PAX9: variants seen among roughly 807,000 people sequenced by gnomAD.
PAX9 encodes paired box protein Pax-9.
Under a neutral mutation model 29.1 loss-of-function variants are expected in PAX9, and 6 were observed. That is an observed-to-expected ratio of 0.21 (90% CI 0.11 to 0.41). The LOEUF (loss-of-function observed/expected upper bound fraction) is 0.41, where lower values mean the gene tolerates loss of function less well. Among genes scored for constraint, PAX9 ranks in the 10% least tolerant of loss-of-function variants. PAX9 has a pLI of 1.00. For missense variants in PAX9, 443 were observed against 479.1 expected (o/e 0.92, Z 0.70); for synonymous variants, 217 against 211.7 (o/e 1.03, Z -0.22).
rs897315835 is a variant in PAX9 at position 36,677,997 on chromosome 14, A to G, written c.*1545A>G. ...AATATAGGCTTAAAAATATGTTTTT[A>G]GGACATTGGTACAATTCAGCTGTTG... On this transcript the variant is annotated 3_prime_UTR_variant, in exon 4 of 4. Transcript: ENST00000361487. 6.5e-6 allele frequency: 1 copy of G among 153,528 alleles called. No individual in the cohort carries two copies. 9.5% of individuals were successfully genotyped at this position (153,528 alleles called of 1,614,324 possible).
rs367709886 is a variant in PAX9 at position 36,676,490 on chromosome 14, C to T, written c.*38C>T. ...TCTCCAGCAGCTTCACCCGGGTCTC[C>T]CTGTCTCAGCACCTCCTCCCCCAAT... is the stretch of plus-strand genomic sequence containing the variant. On this transcript the variant is annotated 3_prime_UTR_variant, in exon 4 of 4. Transcript: ENST00000361487. 41 of 1,605,098 alleles carry T rather than the reference C, an allele frequency of 2.6e-5. No homozygotes were observed. In the East Asian group the frequency reaches 3.1e-4, roughly 12 times the overall value.
rs201198716 is a variant in PAX9, at chr14:36,662,067, G to A, written c.-23G>A. On this transcript the variant is annotated 5_prime_UTR_variant, in exon 1 of 4. Coordinates refer to ENST00000361487, the MANE Select transcript of PAX9 (RefSeq NM_001372076.1). ...TGTCTGGGAGTGCGGAACTGGGGCC[G>A]GGTTGGTGTACTGCTCGGAGCAATG... is the stretch of plus-strand genomic sequence containing the variant. 6.4e-7 allele frequency: 1 copy of A among 1,561,914 alleles called. No individual in the cohort carries two copies.
At position 36,663,470 on chromosome 14, in the gene PAX9, C is replaced by T. The variant is rs1881368384; in HGVS notation, c.578C>T (p.Pro193Leu). Residue 193 changes from proline to leucine, a missense_variant, in exon 2 of 4, where the codon CCC becomes CTC. This residue lies in a region of PAX9 where 336 missense variants were observed against 317.2 expected (regional missense o/e 1.06). Coordinates refer to ENST00000361487, the MANE Select transcript of PAX9 (RefSeq NM_001372076.1). ...PGSVAMPRTW[P>L]SSHSVTDILG... ...TCGGTGGCCATGCCGCGCACCTGGCCCTCCTCGCACTCCGTCACCGACATC... is the reference window on the plus strand; with the variant it reads ...TCGGTGGCCATGCCGCGCACCTGGCTCTCCTCGCACTCCGTCACCGACATC... 7 of 1,613,006 alleles carry T rather than the reference C, an allele frequency of 4.3e-6. No homozygotes were observed. Among genetic ancestry groups the T allele is most frequent in the Non-Finnish European group, 5.9e-6 (7 of 1,179,868 alleles).
In PAX9 at chr14:36,678,994, A is replaced by AGAT. The variant is rs1196159294; in HGVS notation, c.*2544_*2546dup. The AGAT allele has an allele frequency of 1.0e-6, 1 of 965,182 alleles. No homozygotes were observed. The highest frequency in any genetic ancestry group is 4.9e-5 in the South Asian group (1 of 20,368). 59.8% of individuals were successfully genotyped at this position (965,182 alleles called of 1,614,324 possible). On this transcript the variant is annotated 3_prime_UTR_variant, in exon 4 of 4. Coordinates refer to ENST00000361487, the MANE Select transcript of PAX9 (RefSeq NM_001372076.1). ...TGTTGACATATTTCCTCTATCTCAT[A>AGAT]GATGGTAAAAGTGTTGCTTTTAAAC...
upstream of PAX9, among the ~76,000 whole-genome samples, chr14:36,659,600 G>T (rs931804173): frequency 6.6e-6 from 1 of 152,224 alleles, no homozygotes; most frequent in African/African-American, 2.4e-5. Flanking sequence ...GCATGAGTGG[G>T]GCCTGCGGGG....
chr14:36,663,583 G>C, intron 2 of PAX9, 60 bp downstream of exon 2: 1 of 1,601,462 alleles, frequency 6.2e-7, no homozygotes, highest in South Asian at 1.1e-5. Context: ...CTCTCGCGGA[G>C]GTCCCAGTAT....
intron 1 of PAX9, 189 bp from the exon 2 acceptor site, chr14:36,662,708 C>A: frequency 1.5e-6 from 1 of 666,436 alleles, no homozygotes; most frequent in African/African-American, 1.8e-5. Flanking sequence ...GGGAGGGGGT[C>A]CGATTGGACA....
chr14:36,664,568 G>GTTTTTT (rs34440866), intron 2 of PAX9, among the ~76,000 whole-genome samples: 3 of 141,990 alleles, frequency 2.1e-5, no homozygotes, highest in African/African-American at 7.8e-5. Flanking sequence ...CTTTTACTGA[G>GTTTTTT]TTTTTTTTTT....
chr14:36,675,508 C>T (rs943899812), intron 3 of PAX9, among the ~76,000 whole-genome samples: 34 of 152,294 alleles, frequency 2.2e-4, no homozygotes, highest in Non-Finnish European at 1.0e-4. Context: ...GTTTCAAAAC[C>T]AGGCATATGC....
Position 36,676,438 on chromosome 14 carries a change from G to A in PAX9, c.1012G>A (p.Ala338Thr). ...AAREGSHSVT[A>T]SAL ...CAGAGAAGGTAGTCATTCTGTCACG[G>A]CTTCCGCGCTCTGATGGGAAATTCC... Residue 338 changes from alanine (A) to threonine (T), a missense_variant, in exon 4 of 4, where the codon GCT becomes ACT. Around this residue, in one of 2 missense-constraint regions of PAX9, gnomAD observed 336 missense variants for 317.2 expected, o/e 1.06. Coordinates refer to ENST00000361487, the MANE Select transcript of PAX9 (RefSeq NM_001372076.1). The A allele has an allele frequency of 6.2e-7, 1 of 1,613,306 alleles. No individual in the cohort carries two copies.
Position 36,675,113 on chromosome 14 carries a change from T to A in PAX9, c.772-1085T>A, listed in dbSNP as rs370832304. 1.3e-3 allele frequency among the ~76,000 whole-genome samples: 195 copies of A among 152,312 alleles called. 2 individuals carry two copies. The highest frequency in any genetic ancestry group is 0.012 in the South Asian group (57 of 4,828). On this transcript the variant is annotated intron_variant, in intron 3 of 3. Coordinates refer to ENST00000361487, the MANE Select transcript of PAX9 (RefSeq NM_001372076.1). Reference sequence around the variant, plus strand: ...CAATTTTCCTCATAAAATTCTAGTATTTACATCGTATTTTCACTAGGAAAT... The same window carrying A: ...CAATTTTCCTCATAAAATTCTAGTAATTACATCGTATTTTCACTAGGAAAT...
At chr14:36,664,895 A>G (rs1177495340) in intron 2 of PAX9, among the ~76,000 whole-genome samples, 3 of 152,150 alleles carry the variant, frequency 2.0e-5, no homozygotes, top group Non-Finnish European at 4.4e-5. Flanking sequence ...ACTTGGAGCC[A>G]TAGTTGGAGA....
chr14:36,666,730 C>A (rs1418929212), intron 3 of PAX9, 129 bp downstream of exon 3: 4 of 1,226,484 alleles, frequency 3.3e-6, no homozygotes, highest in African/African-American at 3.0e-5. Context: ...TTTGCTGCTA[C>A]GAGCCAGATC....
At chr14:36,666,309 C>CGCG (rs1199697865) in intron 2 of PAX9, 153 bp from the exon 3 acceptor site, 2 of 915,124 alleles carry the variant, frequency 2.2e-6, no homozygotes, top group Non-Finnish European at 3.2e-6. Flanking sequence ...CACAGGAGGT[C>CGCG]GCGGCTGGGC....
chr14:36,661,234 G>A (rs1042301399), upstream of PAX9, among the ~76,000 whole-genome samples: 2 of 152,236 alleles, frequency 1.3e-5, no homozygotes, highest in African/African-American at 4.8e-5. Flanking sequence ...CACCTGGACT[G>A]GGGGGTCGCC....
In PAX9 at chr14:36,676,432, G is replaced by C. The variant is rs746768464; in HGVS notation, c.1006G>C (p.Val336Leu). The change falls in exon 4 of 4, where the codon GTC becomes CTC. Residue 336 changes from valine (V) to leucine (L), a missense_variant. Physicochemically the swap from Val to Leu is conservative, Grantham distance 32. This residue lies in a region of PAX9 where 336 missense variants were observed against 317.2 expected (regional missense o/e 1.06). Transcript: ENST00000361487. Reference sequence around the variant, plus strand: ...GGCAGCCAGAGAAGGTAGTCATTCTGTCACGGCTTCCGCGCTCTGATGGGA... The same window carrying C: ...GGCAGCCAGAGAAGGTAGTCATTCTCTCACGGCTTCCGCGCTCTGATGGGA... ...MQAAREGSHS[V>L]TASAL 1.9e-5 allele frequency: 30 copies of C among 1,613,636 alleles called. No individual in the cohort carries two copies. The highest frequency in any genetic ancestry group is 2.5e-5 in the Non-Finnish European group (29 of 1,180,048).
In PAX9 at chr14:36,678,697, TTTTC is replaced by T. The variant is rs1250921108; in HGVS notation, c.*2249_*2252del. The T allele has an allele frequency of 8.1e-6, 10 of 1,241,846 alleles. No individual in the cohort carries two copies. The highest frequency in any genetic ancestry group is 4.6e-5 in the African/African-American group (3 of 65,096). 76.9% of individuals were successfully genotyped at this position (1,241,846 alleles called of 1,614,324 possible). A position where few individuals can be genotyped will look rare whatever the true frequency, so the allele number is the denominator to read the frequency against. ...TTGTGTGGAAATGCAAATAATGTTA[TTTTC>T]TTTATCTAAATTAAGAAATCTCTTG... On this transcript the variant is annotated 3_prime_UTR_variant, in exon 4 of 4. Coordinates refer to ENST00000361487, the MANE Select transcript of PAX9 (RefSeq NM_001372076.1).
chr14:36,672,737 A>AAAACTAAG (rs1881729944), intron 3 of PAX9, among the ~76,000 whole-genome samples: 2 of 151,386 alleles, frequency 1.3e-5, no homozygotes, highest in East Asian at 3.9e-4. Context: ...AACCTGAGAG[A>AAAACTAAG]AAACTAAGGG....
At position 36,676,842 on chromosome 14, in the gene PAX9, T is replaced by C. The variant is rs1013448114; in HGVS notation, c.*390T>C. Reference sequence around the variant, plus strand: ...CAACCTGAACTTTTGAAATGTGCAATTGTTGAGATTTTGCAAAATCAATAA... The same window carrying C: ...CAACCTGAACTTTTGAAATGTGCAACTGTTGAGATTTTGCAAAATCAATAA... On this transcript the variant is annotated 3_prime_UTR_variant, in exon 4 of 4. Coordinates refer to ENST00000361487, the MANE Select transcript of PAX9 (RefSeq NM_001372076.1). The C allele has an allele frequency of 4.3e-6, 1 of 235,154 alleles. No homozygotes were observed. Among genetic ancestry groups the C allele is most frequent in the Non-Finnish European group, 8.5e-6 (1 of 117,666 alleles). The allele number at this position is 235,154 out of a possible 1,614,324, so 14.6% of individuals were successfully genotyped here. A position where few individuals can be genotyped will look rare whatever the true frequency, so the allele number is the denominator to read the frequency against.
Sources: gnomAD v4.1 joint callset for allele counts (sites outside exome capture counted in the v4.1 genomes callset) on GRCh38, gnomAD v4.1.1 for gene constraint, gnomAD v4.1.1 regional missense constraint, MANE v1.5 for transcripts, NCBI Gene and HGNC (gene_info 2026-07-23, HGNC 2026-07-21) for gene names.